The following MALT1 variants were observed in gnomAD, a reference collection of about 807,000 sequenced individuals.
MALT1 encodes the protein MALT1 paracaspase, also known as mucosa-associated lymphoid tissue lymphoma translocation protein 1.
Under a neutral mutation model 85.5 loss-of-function variants are expected in MALT1, and 36 were observed. The observed-to-expected ratio is 0.42, with a 90% confidence interval of 0.32 to 0.56. The LOEUF is 0.56. Ranked by LOEUF, MALT1 falls within the 20% of genes least tolerant of loss-of-function variation. The pLI, the probability that MALT1 is intolerant of heterozygous loss-of-function variation, is 0.10. For missense variants in MALT1, 716 were observed against 981.6 expected (o/e 0.73, Z 3.62); for synonymous variants, 359 against 361.3 (o/e 0.99, Z 0.07).
chr18:58,676,763 G>T (rs1338644816), intron 1 of MALT1, among the ~76,000 whole-genome samples: 1 of 152,162 alleles, frequency 6.6e-6, no homozygotes, highest in African/African-American at 2.4e-5. Flanking sequence ...GATCCAGGAA[G>T]ATACAGAATT....
Position 58,726,617 on chromosome 18 carries a change from T to TAA in MALT1, c.1222+3368_1222+3369dup, listed in dbSNP as rs528138729. Among the ~76,000 whole-genome samples, 73 of 152,182 alleles carry TAA rather than the reference T, an allele frequency of 4.8e-4. 1 individual carries two copies. Among genetic ancestry groups the TAA allele is most frequent in the Non-Finnish European group, 9.6e-4 (65 of 68,026 alleles). The stretch of plus-strand genomic sequence containing the variant: ...ACAATAATTCAGTTTTAAACATATG[T>TAA]AAACATAAAAAACAGAAACCAAAAC... On this transcript the variant is annotated intron_variant, in intron 10 of 16. Coordinates refer to ENST00000649217, the MANE Select transcript of MALT1 (RefSeq NM_006785.4).
At chr18:58,723,294 C>A (rs1481632071) in intron 10 of MALT1, 43 bp downstream of exon 10, 3 of 1,435,130 alleles carry the variant, frequency 2.1e-6, no homozygotes, top group African/African-American at 1.4e-5. Flanking sequence ...ATCCATTATT[C>A]TTTTCATTAT....
At chr18:58,727,287 T>G (rs11875030) in intron 10 of MALT1, among the ~76,000 whole-genome samples, 1 of 121,524 alleles carries the variant, frequency 8.2e-6, no homozygotes, top group Non-Finnish European at 1.8e-5. Flanking sequence ...GTTTTTTTTT[T>G]GGTTTTGGGT....
intron 1 of MALT1, chr18:58,675,464 A>C (rs2054225716): frequency 6.6e-6 from 1 of 152,176 alleles, no homozygotes; most frequent in Non-Finnish European, 1.5e-5. Context: ...AAAAACAAAA[A>C]ATTAGCCAGG....
At chr18:58,691,275 T>C (rs2054494751) in intron 2 of MALT1, 2 of 508,886 alleles carry the variant, frequency 3.9e-6, no homozygotes, top group African/African-American at 2.1e-5. Flanking sequence ...TATCCTGCAC[T>C]TCCTGGAGAA....
chr18:58,696,551 A>C (rs1001442239), intron 3 of MALT1, 64 bp downstream of exon 3: 1 of 1,311,270 alleles, frequency 7.6e-7, no homozygotes, highest in African/African-American at 1.5e-5. Context: ...ATTAATTAAC[A>C]TTATCGTCCT....
intron 4 of MALT1, among the ~76,000 whole-genome samples, chr18:58,703,231 A>C (rs1185912069): frequency 2.8e-4 from 42 of 152,038 alleles, no homozygotes; most frequent in Admixed American, 2.6e-3. Flanking sequence ...GTGGCCCGTG[A>C]CTGTAATCCC....
Position 58,709,428 on chromosome 18 carries a change from A to G in MALT1, c.700A>G (p.Thr234Ala), listed in dbSNP as rs748542076. ...CAAGTTGCAAATCTGTGTTGAACCA[A>G]CTTCCCAAAAGCTGATGCCAGGCAG... ...ESKLQICVEP[T>A]SQKLMPGSTL... The change falls in exon 5 of 17, where the codon ACT becomes GCT. Residue 234 changes from threonine (T) to alanine (A), a missense_variant. Coordinates refer to ENST00000649217, the MANE Select transcript of MALT1 (RefSeq NM_006785.4). 11 of 1,611,430 alleles carry G rather than the reference A, an allele frequency of 6.8e-6. No homozygotes were observed. Among genetic ancestry groups the G allele is most frequent in the South Asian group, 5.5e-5 (5 of 90,584 alleles).
At chr18:58,698,226 C>T (rs1270984932) in intron 3 of MALT1, among the ~76,000 whole-genome samples, 1 of 151,854 alleles carries the variant, frequency 6.6e-6, no homozygotes, top group African/African-American at 2.4e-5. Flanking sequence ...ATCACCACGC[C>T]CAGCTCATTT....
At position 58,752,265 on chromosome 18, in the gene MALT1, A is replaced by C. The variant is rs2055456293; in HGVS notation, c.*4423A>C. On this transcript the variant is annotated 3_prime_UTR_variant, in exon 17 of 17. Transcript: ENST00000649217. ...CCTCCTGCCTCAGCAGCATCAGTTT[A>C]ATATCTAGATAAAATCTGATGTATG... is the stretch of plus-strand genomic sequence containing the variant. 1.3e-5 allele frequency: 2 copies of C among 152,180 alleles called. No individual in the cohort carries two copies. Among genetic ancestry groups the C allele is most frequent in the African/African-American group, 2.4e-5 (1 of 41,458 alleles). The allele number at this position is 152,180 out of a possible 1,614,324, so 9.4% of individuals were successfully genotyped here. A position where few individuals can be genotyped will look rare whatever the true frequency, so the allele number is the denominator to read the frequency against.
intron 2 of MALT1, among the ~76,000 whole-genome samples, chr18:58,687,614 A>T (rs981749322): frequency 2.6e-5 from 4 of 152,228 alleles, no homozygotes. Context: ...GTTGATAAAA[A>T]TCTTTTTTTG....
chr18:58,682,867 C>G (rs934391698), intron 2 of MALT1, among the ~76,000 whole-genome samples: 1 of 152,120 alleles, frequency 6.6e-6, no homozygotes, highest in Admixed American at 6.5e-5. Flanking sequence ...TAAAATAGGC[C>G]TCTGATAAAT....
rs1415798622 is a variant in MALT1 at position 58,726,630 on chromosome 18, CAG to C, written c.1222+3381_1222+3382del. Among the ~76,000 whole-genome samples the C allele has an allele frequency of 7.2e-5, 11 of 152,168 alleles. 1 individual carries two copies. The highest frequency in any genetic ancestry group is 5.9e-4 in the Admixed American group (9 of 15,284). Reference sequence around the variant, plus strand: ...TTTAAACATATGTAAACATAAAAAACAGAAACCAAAACCAGAAATAACTGTCC... The same window carrying C: ...TTTAAACATATGTAAACATAAAAAACAAACCAAAACCAGAAATAACTGTCC... On this transcript the variant is annotated intron_variant, in intron 10 of 16. Transcript: ENST00000649217.
chr18:58,687,104 T>A (rs2054415494), intron 2 of MALT1, among the ~76,000 whole-genome samples: 1 of 152,228 alleles, frequency 6.6e-6, no homozygotes, highest in Non-Finnish European at 1.5e-5. Flanking sequence ...TCTTGCCAAC[T>A]TAAAAAGTGC....
In MALT1 at chr18:58,751,508, A is replaced by T. The variant is rs2055446163; in HGVS notation, c.*3666A>T. 6.6e-6 allele frequency: 1 copy of T among 152,180 alleles called. No individual in the cohort carries two copies. Among genetic ancestry groups the T allele is most frequent in the Non-Finnish European group, 1.5e-5 (1 of 68,034 alleles). 9.4% of individuals were successfully genotyped at this position (152,180 alleles called of 1,614,324 possible). A position where few individuals can be genotyped will look rare whatever the true frequency, so the allele number is the denominator to read the frequency against. On this transcript the variant is annotated 3_prime_UTR_variant, in exon 17 of 17. Coordinates refer to ENST00000649217, the MANE Select transcript of MALT1 (RefSeq NM_006785.4). ...AGGCTGAAACAGGAGAATCGCATGA[A>T]TTTTTTAAAAAATCTAAACATGTAA... is the stretch of plus-strand genomic sequence containing the variant.
At chr18:58,698,170 G>A (rs1178804753) in intron 3 of MALT1, among the ~76,000 whole-genome samples, 3 of 149,390 alleles carry the variant, frequency 2.0e-5, no homozygotes, top group Non-Finnish European at 3.0e-5. Context: ...CGGTTCAAAC[G>A]ATTACCCTGC....
At chr18:58,745,008 C>T (rs1374945166) in intron 15 of MALT1, among the ~76,000 whole-genome samples, 1 of 152,106 alleles carries the variant, frequency 6.6e-6, no homozygotes, top group Non-Finnish European at 1.5e-5. Flanking sequence ...GTAAGACAAG[C>T]AGAAACCCAA....
chr18:58,707,641 A>G (rs940666865), intron 4 of MALT1, among the ~76,000 whole-genome samples: 1 of 152,146 alleles, frequency 6.6e-6, no homozygotes, highest in African/African-American at 2.4e-5. Flanking sequence ...TATTTATTCA[A>G]TGCTGAACAT....
intron 9 of MALT1, among the ~76,000 whole-genome samples, chr18:58,720,748 A>G (rs191210848): frequency 4.6e-5 from 7 of 152,184 alleles, no homozygotes; most frequent in African/African-American, 1.7e-4. Flanking sequence ...ATATACTTAT[A>G]ATTGTTTTCT....
Sources: allele counts gnomAD v4.1 joint callset (sites outside exome capture counted in the v4.1 genomes callset), GRCh38; gene constraint gnomAD v4.1.1; transcripts MANE v1.5; gene names NCBI Gene and HGNC (gene_info 2026-07-23, HGNC 2026-07-21).